Variants in PACS2 observed in about 807,000 individuals in gnomAD.
PACS2 encodes phosphofurin acidic cluster sorting protein 2.
In PACS2, 36 loss-of-function variants were observed where a neutral mutation model predicts 113.0. The ratio of observed to expected loss-of-function variants is 0.32; its 90% confidence interval spans 0.24 to 0.42. PACS2 has a LOEUF of 0.42. Ranked by LOEUF, PACS2 falls within the 10% of genes least tolerant of loss-of-function variation. PACS2 has a pLI of 1.00. For missense variants in PACS2, 1,015 were observed against 1,239.5 expected (o/e 0.82, Z 2.72); for synonymous variants, 589 against 536.1 (o/e 1.10, Z -1.36).
chr14:105,349,016 C>T (rs1391508081), intron 2 of PACS2, among the ~76,000 whole-genome samples: 2 of 152,230 alleles, frequency 1.3e-5, no homozygotes, highest in Non-Finnish European at 2.9e-5. Context: ...GTGCCAGGGC[C>T]TCTCTCCTGA....
rs1171521007 is a variant in PACS2 at position 105,324,067 on chromosome 14, AG to A, written c.119+9035del. 6.6e-6 allele frequency among the ~76,000 whole-genome samples: 1 copy of A among 152,230 alleles called. No individual in the cohort carries two copies. The highest frequency in any genetic ancestry group is 6.5e-5 in the Admixed American group (1 of 15,274). On this transcript the variant is annotated intron_variant, in intron 1 of 24. Transcript: ENST00000447393. This position sits in a 1 kb window ranked among gnomAD's most constrained non-coding sequence, Gnocchi z 4.7. ...GGCTTTTGTGCAGGAGATGGAGGGC[AG>A]GGGGCTACAGTGCCCTTGGACTAAA... is the stretch of plus-strand genomic sequence containing the variant.
chr14:105,374,142 G>A (rs1178643887), intron 8 of PACS2, among the ~76,000 whole-genome samples: 3 of 147,084 alleles, frequency 2.0e-5, no homozygotes, highest in Admixed American at 6.8e-5. Flanking sequence ...GCGACACAGC[G>A]AGACTCTGTC....
intron 1 of PACS2, among the ~76,000 whole-genome samples, chr14:105,327,487 G>T (rs1311701367): frequency 2.0e-5 from 3 of 152,198 alleles, no homozygotes; most frequent in Non-Finnish European, 4.4e-5. Context: ...TTCTCCTGCC[G>T]TGGTCCTGTC....
In PACS2 at chr14:105,300,956, G is replaced by C. The variant is rs587657142; in HGVS notation, c.-106G>C. ...GGCGACCTGCGGGGGCTGGGCTTCG[G>C]CGGAACCCGAGCGGGGCCTACCGGT... On this transcript the variant is annotated 5_prime_UTR_variant, in exon 1 of 24. Transcript: ENST00000430725. 3.3e-3 allele frequency: 511 copies of C among 154,976 alleles called. 3 individuals are homozygous for C. Among genetic ancestry groups the C allele is most frequent in the East Asian group, 0.014 (76 of 5,250 alleles). 9.6% of individuals were successfully genotyped at this position (154,976 alleles called of 1,614,324 possible).
Position 105,323,097 on chromosome 14 carries a change from C to T in PACS2, c.119+8060C>T, listed in dbSNP as rs1306634975. The stretch of plus-strand genomic sequence containing the variant: ...TTTGTGGTCATGTCATCGTTGCCAA[C>T]GGTCGTCTCATGGTGGGTCCTGGTG... On this transcript the variant is annotated intron_variant, in intron 1 of 24. Transcript: ENST00000447393. This position sits in a 1 kb window ranked among gnomAD's most constrained non-coding sequence, Gnocchi z 4.1. Among the ~76,000 whole-genome samples the T allele has an allele frequency of 2.0e-5, 3 of 152,158 alleles. No homozygotes were observed. Among genetic ancestry groups the T allele is most frequent in the South Asian group, 2.1e-4 (1 of 4,828 alleles).
At chr14:105,394,311 G>C (rs1375796770) in intron 24 of PACS2, 4 of 985,214 alleles carry the variant, frequency 4.1e-6, no homozygotes, top group Non-Finnish European at 4.8e-6. Context: ...TGGGGGAAAT[G>C]CTGCCCTCCC....
chr14:105,338,476 C>T (rs2059609051), intron 1 of PACS2, among the ~76,000 whole-genome samples: 4 of 152,182 alleles, frequency 2.6e-5, no homozygotes, highest in Admixed American at 2.6e-4. Context: ...TTCCTTGGGC[C>T]TCCCCTGACC....
chr14:105,349,082 G>A (rs1379685294), intron 2 of PACS2, among the ~76,000 whole-genome samples: 1 of 152,342 alleles, frequency 6.6e-6, no homozygotes, highest in East Asian at 1.9e-4. Context: ...GTTCCAGAGG[G>A]GTCATGCTGG....
intron 24 of PACS2, among the ~76,000 whole-genome samples, chr14:105,394,037 CA>C (rs35175118): frequency 0.18 from 13,047 of 72,070 alleles, 678 homozygotes; most frequent in Admixed American, 0.28. Flanking sequence ...GACTCCGCCT[CA>C]AAAAAAAAAA....
At position 105,358,893 on chromosome 14, in the gene PACS2, A is replaced by T. The variant is rs1417770792; in HGVS notation, c.423+3716A>T. Among the ~76,000 whole-genome samples, 1 of 152,222 alleles carries T rather than the reference A, an allele frequency of 6.6e-6. No individual in the cohort carries two copies. Among genetic ancestry groups the T allele is most frequent in the Non-Finnish European group, 1.5e-5 (1 of 68,032 alleles). Reference sequence around the variant, plus strand: ...TCTCTCTATGAGTGTCTGCACAGCCACAGGCTGCTGATGACAGCCCAGTCA... The same window carrying T: ...TCTCTCTATGAGTGTCTGCACAGCCTCAGGCTGCTGATGACAGCCCAGTCA... On this transcript the variant is annotated intron_variant, in intron 4 of 24. Coordinates refer to ENST00000447393, the MANE Select transcript of PACS2 (RefSeq NM_001100913.3). The surrounding 1 kb of genome is among the most constrained non-coding windows in gnomAD (Gnocchi z 4.9).
At chr14:105,310,396 G>A (rs1451072223), upstream of PACS2, among the ~76,000 whole-genome samples, 2 of 151,852 alleles carry the variant, frequency 1.3e-5, no homozygotes, top group African/African-American at 4.8e-5. Flanking sequence ...CAGGCGTGGT[G>A]GCAGGCGCCT....
upstream of PACS2, among the ~76,000 whole-genome samples, chr14:105,310,173 A>C (rs1428600886): frequency 1.3e-5 from 2 of 151,692 alleles, no homozygotes; most frequent in Non-Finnish European, 2.9e-5. Flanking sequence ...TTCTCTAACC[A>C]TTTTCCACTG....
At chr14:105,385,609 G>T (rs949357288) in intron 18 of PACS2, 76 bp from the exon 19 acceptor site, 9 of 984,170 alleles carry the variant, frequency 9.1e-6, no homozygotes, top group Non-Finnish European at 1.3e-5. Context: ...GCCACTGAGT[G>T]CCCTCGGCGG....
chr14:105,309,792 T>C (rs1245198782), upstream of PACS2, among the ~76,000 whole-genome samples: 42 of 147,360 alleles, frequency 2.9e-4, 1 homozygote, highest in African/African-American at 1.0e-3. The surrounding 1 kb of genome is among the most constrained non-coding windows in gnomAD (Gnocchi z 4.0). Context: ...TTTTTTTTTT[T>C]TTTTTTTTTT....
At chr14:105,393,517 AAG>A in intron 24 of PACS2, 182 bp downstream of exon 24, 1 of 479,002 alleles carries the variant, frequency 2.1e-6, no homozygotes, top group Non-Finnish European at 3.6e-6. Flanking sequence ...AATGCTGAGA[AAG>A]AATTTTTTTT....
At chr14:105,352,024 C>A (rs1350493111) in intron 2 of PACS2, among the ~76,000 whole-genome samples, 1 of 152,144 alleles carries the variant, frequency 6.6e-6, no homozygotes, top group Non-Finnish European at 1.5e-5. Context: ...TTGGTGCCTC[C>A]AGATTTGTTC....
intron 4 of PACS2, among the ~76,000 whole-genome samples, chr14:105,363,179 G>C (rs1555407045): frequency 6.6e-6 from 1 of 152,150 alleles, no homozygotes; most frequent in East Asian, 1.9e-4. Context: ...AATGGTAAAT[G>C]AGCACTGGCT....
At position 105,355,009 on chromosome 14, in the gene PACS2, G is replaced by A. The variant is rs781876422; in HGVS notation, c.298-43G>A. On this transcript the variant is annotated intron_variant, in intron 3 of 24. Coordinates refer to ENST00000447393, the MANE Select transcript of PACS2 (RefSeq NM_001100913.3). This position sits in a 1 kb window ranked among gnomAD's most constrained non-coding sequence, Gnocchi z 4.1. ...GTCAGAGGCCGTGATGCTGCCTGGG[G>A]CCCCGGTGCACCCTCAGCTGCCACT... The A allele has an allele frequency of 1.4e-4, 223 of 1,602,192 alleles. 3 individuals carry two copies. In the Admixed American group the frequency reaches 3.7e-3, roughly 27 times the overall value.
intron 4 of PACS2, among the ~76,000 whole-genome samples, chr14:105,359,065 G>T (rs2060568122): frequency 6.6e-6 from 1 of 152,058 alleles, no homozygotes; most frequent in Non-Finnish European, 1.5e-5. Context: ...GGTGTCCAGG[G>T]CCTGGTCACA....
Sources: allele counts gnomAD v4.1 joint callset (sites outside exome capture counted in the v4.1 genomes callset), GRCh38; gene constraint gnomAD v4.1.1; non-coding constraint Gnocchi (gnomAD v3.1); transcripts MANE v1.5; gene names NCBI Gene and HGNC (gene_info 2026-07-23, HGNC 2026-07-21).